SCUBE1: variants seen among roughly 807,000 people sequenced by gnomAD.
SCUBE1 encodes the protein signal peptide, CUB and EGF-like domain-containing protein 1.
In SCUBE1, 59 loss-of-function variants were observed where a neutral mutation model predicts 124.4. The observed-to-expected ratio is 0.47, with a 90% CI of 0.38 to 0.59. SCUBE1 has a LOEUF of 0.59. Among genes scored for constraint, SCUBE1 ranks in the 20% least tolerant of loss-of-function variants. SCUBE1 has a pLI of 0.00. For synonymous variants in SCUBE1, 545 were observed against 550.9 expected (o/e 0.99, Z 0.15); for missense variants, 1,150 against 1,371.2 (o/e 0.84, Z 2.55).
At chr22:43,322,158 T>C (rs1926578469) in intron 2 of SCUBE1, among the ~76,000 whole-genome samples, 1 of 152,126 alleles carries the variant, frequency 6.6e-6, no homozygotes, top group African/African-American at 2.4e-5. Flanking sequence ...TAATTTTTTG[T>C]ATTTTTAATA....
intron 6 of SCUBE1, among the ~76,000 whole-genome samples, chr22:43,243,528 C>T (rs1923088826): frequency 6.6e-6 from 1 of 152,196 alleles, no homozygotes; most frequent in African/African-American, 2.4e-5. Context: ...GGGGCGAGGA[C>T]AAAAGGATGC....
intron 4 of SCUBE1, among the ~76,000 whole-genome samples, chr22:43,276,991 G>A (rs764353441): frequency 4.6e-5 from 7 of 152,186 alleles, no homozygotes; most frequent in Non-Finnish European, 7.3e-5. Flanking sequence ...GGGTCCTTGT[G>A]TCCAAGGGCA....
chr22:43,244,918 G>A (rs73886528), intron 6 of SCUBE1, among the ~76,000 whole-genome samples: 3,722 of 152,336 alleles, frequency 0.024, 157 homozygotes, highest in African/African-American at 0.085. Flanking sequence ...ATCAGGGCTG[G>A]CCCACCTGCC....
Position 43,255,650 on chromosome 22 carries a change from C to A in SCUBE1, c.727+2569G>T. ...CCCACTTCCCGCGGCCCAAGACAGT[C>A]AGCCTCTCGGCGTGGCGCACGCAAA... On this transcript the variant is annotated intron_variant, in intron 6 of 21. Coordinates refer to ENST00000360835, the MANE Select transcript of SCUBE1 (RefSeq NM_173050.5). This position sits in a 1 kb window ranked among gnomAD's most constrained non-coding sequence, Gnocchi z 4.7. 1 of 1,329,544 alleles carries A rather than the reference C, an allele frequency of 7.5e-7. No individual in the cohort carries two copies. Among genetic ancestry groups the A allele is most frequent in the South Asian group, 1.3e-5 (1 of 79,748 alleles). 82.4% of individuals were successfully genotyped at this position (1,329,544 alleles called of 1,614,324 possible).
rs116826584 is a variant in SCUBE1, at chr22:43,268,613, G to A, written c.485-5768C>T. On this transcript the variant is annotated intron_variant, in intron 4 of 21. Transcript: ENST00000360835. Reference sequence around the variant, plus strand: ...CCACATTCAGGCTGCCACTTGCTGCGTGACCCTGGGCAAGCCCTTCACCCC... The same window carrying A: ...CCACATTCAGGCTGCCACTTGCTGCATGACCCTGGGCAAGCCCTTCACCCC... Among the ~76,000 whole-genome samples the A allele has an allele frequency of 3.9e-3, 590 of 152,338 alleles. 3 individuals are homozygous for A. The highest frequency in any genetic ancestry group is 0.014 in the African/African-American group (569 of 41,574).
chr22:43,232,906 C>A (rs887948185), intron 7 of SCUBE1, among the ~76,000 whole-genome samples: 1 of 152,224 alleles, frequency 6.6e-6, no homozygotes, highest in Non-Finnish European at 1.5e-5. Context: ...AGGTCCCTGT[C>A]CCCAAGGGGC....
intron 8 of SCUBE1, among the ~76,000 whole-genome samples, chr22:43,230,212 G>A (rs1922495932): frequency 1.3e-5 from 2 of 152,130 alleles, no homozygotes; most frequent in Non-Finnish European, 2.9e-5. Context: ...TAGGAGGTAA[G>A]AGCATGGGGT....
chr22:43,309,984 C>T (rs1245360556), intron 3 of SCUBE1, among the ~76,000 whole-genome samples: 1 of 152,212 alleles, frequency 6.6e-6, no homozygotes, highest in East Asian at 1.9e-4. Flanking sequence ...CTCTACTCAG[C>T]AGCCAGAAGC....
At chr22:43,311,137 C>A (rs1210828608) in intron 3 of SCUBE1, among the ~76,000 whole-genome samples, 1 of 152,176 alleles carries the variant, frequency 6.6e-6, no homozygotes, top group Non-Finnish European at 1.5e-5. Flanking sequence ...CTACCCTACC[C>A]AATGCTGTCA....
intron 2 of SCUBE1, 141 bp downstream of exon 2, chr22:43,338,963 G>C: frequency 2.1e-6 from 2 of 968,256 alleles, no homozygotes; most frequent in Non-Finnish European, 3.1e-6. Flanking sequence ...TCCTGAGGCT[G>C]AGAGAAGCCT....
At chr22:43,225,536 G>C (rs1185930010) in intron 10 of SCUBE1, among the ~76,000 whole-genome samples, 1 of 151,254 alleles carries the variant, frequency 6.6e-6, no homozygotes, top group Non-Finnish European at 1.5e-5. Context: ...CGGCACTTTG[G>C]GAGGCTGAGG....
rs375296295 is a variant in SCUBE1, at chr22:43,206,900, CTA to C, written c.2814+632_2814+633del. Among the ~76,000 whole-genome samples, 461 of 152,342 alleles carry C rather than the reference CTA, an allele frequency of 3.0e-3. 3 individuals carry two copies. Among genetic ancestry groups the C allele is most frequent in the African/African-American group, 0.011 (438 of 41,566 alleles). Reference sequence around the variant, plus strand: ...AGGGCGGCAGCACGTGACTGGCAGACTATGGGGAGACTCAAGTGAATCTTCCC... The same window carrying C: ...AGGGCGGCAGCACGTGACTGGCAGACTGGGGAGACTCAAGTGAATCTTCCC... On this transcript the variant is annotated intron_variant, in intron 21 of 21. Coordinates refer to ENST00000360835, the MANE Select transcript of SCUBE1 (RefSeq NM_173050.5).
Position 43,303,127 on chromosome 22 carries a change from C to T in SCUBE1, c.350-11947G>A, listed in dbSNP as rs144388431. 3.6e-3 allele frequency among the ~76,000 whole-genome samples: 552 copies of T among 152,358 alleles called. 2 individuals carry two copies. Among genetic ancestry groups the T allele is most frequent in the Non-Finnish European group, 6.5e-3 (439 of 68,030 alleles). On this transcript the variant is annotated intron_variant, in intron 3 of 21. Coordinates refer to ENST00000360835, the MANE Select transcript of SCUBE1 (RefSeq NM_173050.5). ...AGCCTCGGTACCGTCGGAATTCTAA[C>T]CTTCAGGGACTAATTCTTTCCCGTG...
At chr22:43,285,650 T>A (rs1166102391) in intron 4 of SCUBE1, among the ~76,000 whole-genome samples, 3 of 152,114 alleles carry the variant, frequency 2.0e-5, no homozygotes, top group African/African-American at 7.2e-5. Context: ...GGGGACTAAG[T>A]GCGGGAGCTG....
rs192946328 is a variant in SCUBE1, at chr22:43,212,524, A to G, written c.2122T>C (p.Tyr708His). 5.8e-6 allele frequency: 9 copies of G among 1,561,238 alleles called. No individual in the cohort carries two copies. Among genetic ancestry groups the G allele is most frequent in the African/African-American group, 4.1e-5 (3 of 73,586 alleles). The change falls in exon 17 of 22, where the codon TAC (tyrosine) becomes CAC (histidine). Residue 708 changes from tyrosine (Y) to histidine (H), a missense_variant. This residue lies in a region of SCUBE1 where 757 missense variants were observed against 840.9 expected (regional missense o/e 0.90). Transcript: ENST00000360835. ...KPCQACPVGT[Y>H]QPEPGRTGCF... is the part of the protein sequence containing the mutation. ...CCGGTGCGCCCGGGCTCAGGCTGGTACGTGCCCACGGGGCAGGCCTGGCAG... is the reference window on the plus strand; with the variant it reads ...CCGGTGCGCCCGGGCTCAGGCTGGTGCGTGCCCACGGGGCAGGCCTGGCAG...
chr22:43,289,572 T>A (rs564593071), intron 4 of SCUBE1, among the ~76,000 whole-genome samples: 2 of 152,370 alleles, frequency 1.3e-5, no homozygotes, highest in Admixed American at 6.5e-5. Flanking sequence ...GAGTACTTTT[T>A]AAATGTTTTT....
chr22:43,214,520 C>G (rs899761470), intron 15 of SCUBE1, among the ~76,000 whole-genome samples: 1 of 152,354 alleles, frequency 6.6e-6, no homozygotes, highest in African/African-American at 2.4e-5. Flanking sequence ...TTATAGAAGC[C>G]TGTGGTCCCC....
intron 3 of SCUBE1, among the ~76,000 whole-genome samples, chr22:43,312,120 T>C (rs960237165): frequency 1.2e-4 from 19 of 152,370 alleles, no homozygotes; most frequent in African/African-American, 4.3e-4. Context: ...AGAGGGTTTT[T>C]AGATTACAAG....
At position 43,228,522 on chromosome 22, in the gene SCUBE1, C is replaced by T. The variant is rs569896403; in HGVS notation, c.1084+550G>A. Among the ~76,000 whole-genome samples, 19 of 152,338 alleles carry T rather than the reference C, an allele frequency of 1.2e-4. No individual in the cohort carries two copies. The South Asian group carries it at 2.5e-3, about 20-fold the overall frequency. ...AACCCTCAACTCCCCTGCGGGCTCACGCAGCCTGCATGGTGGGATGGCGCC... is the reference window on the plus strand; with the variant it reads ...AACCCTCAACTCCCCTGCGGGCTCATGCAGCCTGCATGGTGGGATGGCGCC... On this transcript the variant is annotated intron_variant, in intron 9 of 21. Transcript: ENST00000360835.
Sources: allele counts gnomAD v4.1 joint callset (sites outside exome capture counted in the v4.1 genomes callset), GRCh38; gene constraint gnomAD v4.1.1; regional missense constraint gnomAD v4.1.1; non-coding constraint Gnocchi (gnomAD v3.1); transcripts MANE v1.5; gene names NCBI Gene and HGNC (gene_info 2026-07-23, HGNC 2026-07-21).